Variants in ESF1 observed in about 807,000 individuals in gnomAD.
The protein encoded by ESF1 is ESF1 homolog.
Under a neutral mutation model 92.0 loss-of-function variants are expected in ESF1, and 58 were observed. That is an observed-to-expected ratio of 0.63 (90% CI 0.51 to 0.78). The LOEUF (loss-of-function observed/expected upper bound fraction) is 0.78. Ranked by LOEUF, ESF1 falls within the 30% of genes least tolerant of loss-of-function variation. The pLI, the probability that ESF1 is intolerant of heterozygous loss-of-function variation, is 0.00. For missense variants in ESF1, 922 were observed against 989.1 expected (o/e 0.93, Z 0.91); for synonymous variants, 321 against 313.7 (o/e 1.02, Z -0.24).
chr20:13,748,674 A>G (rs1978447264), intron 9 of ESF1, among the ~76,000 whole-genome samples: 1 of 145,884 alleles, frequency 6.9e-6, no homozygotes, highest in South Asian at 2.2e-4. Context: ...TGCAACCTCC[A>G]CTCCGAGGTT....
At chr20:13,763,560 A>G (rs574868474) in intron 8 of ESF1, among the ~76,000 whole-genome samples, 5 of 152,374 alleles carry the variant, frequency 3.3e-5, no homozygotes, top group African/African-American at 1.2e-4. Context: ...AATTTTCAGA[A>G]AAGTTCTAAA....
intron 9 of ESF1, among the ~76,000 whole-genome samples, chr20:13,747,542 C>T (rs1005914499): frequency 3.3e-5 from 5 of 149,554 alleles, no homozygotes; most frequent in Admixed American, 2.0e-4. Context: ...TGCAGCCTGC[C>T]GAGATGGCAC....
chr20:13,728,761 T>C (rs1362981095), intron 10 of ESF1, among the ~76,000 whole-genome samples: 2 of 151,126 alleles, frequency 1.3e-5, no homozygotes, highest in Non-Finnish European at 2.9e-5. Context: ...CAGCTCCTCG[T>C]GAGGCTGAGG....
At chr20:13,784,506 A>G (rs1436722540) in intron 1 of ESF1, among the ~76,000 whole-genome samples, 1 of 152,124 alleles carries the variant, frequency 6.6e-6, no homozygotes, top group African/African-American at 2.4e-5. Flanking sequence ...AGCACTCATT[A>G]TATGTCAGAT....
At chr20:13,727,012 C>G (rs2147725570) in intron 11 of ESF1, among the ~76,000 whole-genome samples, 1 of 152,308 alleles carries the variant, frequency 6.6e-6, no homozygotes, top group African/African-American at 2.4e-5. Flanking sequence ...AATAACTTTA[C>G]AGAAAGCTTA....
chr20:13,722,628 T>C (rs531303434), intron 11 of ESF1, among the ~76,000 whole-genome samples: 5 of 152,174 alleles, frequency 3.3e-5, no homozygotes, highest in South Asian at 4.2e-4. Flanking sequence ...AGGAGGAAGA[T>C]TGCTTGAAGC....
intron 8 of ESF1, among the ~76,000 whole-genome samples, chr20:13,761,223 AC>A (rs1219481838): frequency 6.6e-6 from 1 of 152,046 alleles, no homozygotes; most frequent in Non-Finnish European, 1.5e-5. Flanking sequence ...AATCTCAAGT[AC>A]CCAGGGACAC....
chr20:13,770,394 G>C (rs952528331), intron 6 of ESF1, among the ~76,000 whole-genome samples: 1 of 152,210 alleles, frequency 6.6e-6, no homozygotes, highest in African/African-American at 2.4e-5. Flanking sequence ...TTACAGAGAG[G>C]GTCTTGCTCC....
At chr20:13,774,914 T>C (rs1979855590) in intron 4 of ESF1, among the ~76,000 whole-genome samples, 1 of 152,180 alleles carries the variant, frequency 6.6e-6, no homozygotes, top group African/African-American at 2.4e-5. Flanking sequence ...GCTGTCCCTT[T>C]ACTGAGCTTT....
At chr20:13,732,427 A>G (rs1372061255) in intron 10 of ESF1, among the ~76,000 whole-genome samples, 1 of 152,122 alleles carries the variant, frequency 6.6e-6, no homozygotes, top group Non-Finnish European at 1.5e-5. Context: ...TATAAAAATT[A>G]CTCCACTGCA....
At chr20:13,754,823 T>TACAA (rs929473420) in intron 9 of ESF1, among the ~76,000 whole-genome samples, 37 of 152,200 alleles carry the variant, frequency 2.4e-4, no homozygotes, top group African/African-American at 8.7e-4. Flanking sequence ...TATAATGGCC[T>TACAA]ACAAGGCTTT....
At chr20:13,756,452 T>G (rs1457699941) in intron 9 of ESF1, among the ~76,000 whole-genome samples, 1 of 152,222 alleles carries the variant, frequency 6.6e-6, no homozygotes, top group Non-Finnish European at 1.5e-5. Context: ...TCTTACTGAT[T>G]GTTGAAGGTA....
chr20:13,765,620 T>C (rs1979394104), intron 8 of ESF1, among the ~76,000 whole-genome samples: 3 of 152,186 alleles, frequency 2.0e-5, no homozygotes. Context: ...TACCCTGACA[T>C]TAAGCAGCCA....
intron 11 of ESF1, among the ~76,000 whole-genome samples, chr20:13,726,118 C>A (rs182459131): frequency 2.0e-5 from 3 of 152,252 alleles, no homozygotes; most frequent in African/African-American, 7.2e-5. Flanking sequence ...GTCTAGAGCT[C>A]GGCAAAAGTC....
intron 10 of ESF1, among the ~76,000 whole-genome samples, chr20:13,730,635 C>T (rs2049936464): frequency 2.0e-5 from 3 of 152,080 alleles, no homozygotes; most frequent in South Asian, 2.1e-4. Context: ...CCGCCCGCCT[C>T]GGCCTCCCAA....
chr20:13,759,781 G>T lies in ESF1; in HGVS notation c.1739C>A (p.Ala580Asp). ...KSQKDDEEQI[A>D]KYRQLLQVIQ... ...AACCTGCAAGAGCTGCCTGTATTTAGCAATTTGTTCTTCATCATCCTTCTG... is the reference window on the plus strand; with the variant it reads ...AACCTGCAAGAGCTGCCTGTATTTATCAATTTGTTCTTCATCATCCTTCTG... Residue 580 changes from alanine (A) to aspartate (D), a missense_variant, in exon 9 of 14, where the codon GCT (alanine) becomes GAT (aspartate). Transcript: ENST00000617257. 6.3e-7 allele frequency: 1 copy of T among 1,586,062 alleles called. No homozygotes were observed. The highest frequency in any genetic ancestry group is 8.5e-7 in the Non-Finnish European group (1 of 1,171,826).
intron 9 of ESF1, among the ~76,000 whole-genome samples, chr20:13,745,476 G>T (rs1049414616): frequency 6.6e-6 from 1 of 152,208 alleles, no homozygotes; most frequent in African/African-American, 2.4e-5. Flanking sequence ...TTTAGAGATG[G>T]AGTCTCGCTC....
rs747920184 is a variant in ESF1 at position 13,775,275 on chromosome 20, G to A, written c.1036-5C>T. ...AACTGCTAATCGACGTGTAATCTGAGAAATGAGAAGAATTAAATAGTACAT... is the reference window on the plus strand; with the variant it reads ...AACTGCTAATCGACGTGTAATCTGAAAAATGAGAAGAATTAAATAGTACAT... On this transcript the variant is annotated splice_region_variant and splice_polypyrimidine_tract_variant and intron_variant, in intron 3 of 13. Transcript: ENST00000617257. 6.6e-7 allele frequency: 1 copy of A among 1,524,606 alleles called. No individual in the cohort carries two copies. Among genetic ancestry groups the A allele is most frequent in the Non-Finnish European group, 9.0e-7 (1 of 1,113,360 alleles). 94.4% of individuals were successfully genotyped at this position (1,524,606 alleles called of 1,614,324 possible).
At position 13,766,851 on chromosome 20, in the gene ESF1, A is replaced by G; in HGVS notation, c.1592T>C (p.Leu531Pro). 6.2e-7 allele frequency: 1 copy of G among 1,613,874 alleles called. No homozygotes were observed. Among genetic ancestry groups the G allele is most frequent in the Non-Finnish European group, 8.5e-7 (1 of 1,179,922 alleles). ...GTAGGCTTGAAAATCCATGTCCAAAAGCTCTTCCTTTTTAAACTTCCTGTT... is the reference window on the plus strand; with the variant it reads ...GTAGGCTTGAAAATCCATGTCCAAAGGCTCTTCCTTTTTAAACTTCCTGTT... ...MLNRKFKKEE[L>P]LDMDFQAYLA... Residue 531 changes from leucine (L) to proline (P), a missense_variant, in exon 8 of 14, where the codon CTT (leucine) becomes CCT (proline). Coordinates refer to ENST00000617257, the MANE Select transcript of ESF1 (RefSeq NM_001276380.2).
Sources: gnomAD v4.1 joint callset for allele counts (sites outside exome capture counted in the v4.1 genomes callset) on GRCh38, gnomAD v4.1.1 for gene constraint, MANE v1.5 for transcripts, NCBI Gene and HGNC (gene_info 2026-07-23, HGNC 2026-07-21) for gene names.